HP1BP3: variants seen among roughly 807,000 people sequenced by gnomAD.
HP1BP3 encodes heterochromatin protein 1-binding protein 3.
In HP1BP3, 12 loss-of-function variants were observed where a neutral mutation model predicts 62.5. The observed-to-expected ratio is 0.19, with a 90% CI of 0.12 to 0.31. The LOEUF (loss-of-function observed/expected upper bound fraction) is 0.31. HP1BP3 is among the 10% of genes least tolerant of loss of function. The probability of loss-of-function intolerance (pLI) is 1.00; values close to 1 mark genes in which losing one functional copy is unlikely to be tolerated. For missense variants in HP1BP3, 502 were observed against 651.8 expected, an observed-to-expected ratio of 0.77 and a Z score of 2.50; for synonymous variants, 260 against 237.8, an observed-to-expected ratio of 1.09 and a Z score of -0.86.
Position 20,780,413 on chromosome 1 carries a change from G to A in HP1BP3, c.28C>T (p.Leu10Phe). 1 of 1,613,748 alleles carries A rather than the reference G, an allele frequency of 6.2e-7. No individual in the cohort carries two copies. Among genetic ancestry groups the A allele is most frequent in the Non-Finnish European group, 8.5e-7 (1 of 1,179,666 alleles). MATDTSQGE[L>F]VHPKALPLIV... ...AGTGGGAGTGCCTTAGGATGGACGA[G>A]TTCACCTTGAGACGTATCAGTCGCC... The change falls in exon 2 of 13, where the codon CTC (leucine) becomes TTC (phenylalanine). Residue 10 changes from leucine (L) to phenylalanine (F), a missense_variant. Coordinates refer to ENST00000438032, the MANE Select transcript of HP1BP3 (RefSeq NM_001372052.1).
At chr1:20,779,986 G>T in intron 2 of HP1BP3, 75 bp from the exon 3 acceptor site, 1 of 1,109,130 alleles carries the variant, frequency 9.0e-7, no homozygotes, top group East Asian at 2.5e-5. Flanking sequence ...GGGCCTAACT[G>T]GGTGTCAGAT....
chr1:20,744,881 C>G lies in HP1BP3; in HGVS notation c.1578G>C (p.Lys526Asn), dbSNP rs1557630708. The G allele has an allele frequency of 6.2e-7, 1 of 1,614,196 alleles. No homozygotes were observed. Among genetic ancestry groups the G allele is most frequent in the Non-Finnish European group, 8.5e-7 (1 of 1,180,036 alleles). Residue 526 changes from lysine to asparagine, a missense_variant, in exon 13 of 13, where the codon AAG (lysine) becomes AAC (asparagine). Coordinates refer to ENST00000438032, the MANE Select transcript of HP1BP3 (RefSeq NM_001372052.1). Reference protein sequence around the residue: ...IKKPSGGSSKKPATSARKEVK... With the variant: ...IKKPSGGSSKNPATSARKEVK... ...CTTCCTTTCTTGCACTGGTTGCAGG[C>G]TTCTTTGAGGAGCCACCACTAGGTT...
chr1:20,765,049 G>T (rs1035842199), intron 8 of HP1BP3, among the ~76,000 whole-genome samples: 2 of 150,180 alleles, frequency 1.3e-5, no homozygotes, highest in African/African-American at 4.9e-5. Flanking sequence ...GGTGCCTGTA[G>T]GCGCAGCTAC....
At chr1:20,778,109 G>C (rs1006243074) in intron 3 of HP1BP3, among the ~76,000 whole-genome samples, 3 of 152,088 alleles carry the variant, frequency 2.0e-5, no homozygotes, top group African/African-American at 7.2e-5. Flanking sequence ...TTCTAAAAAA[G>C]ATGAAAAGCT....
intron 1 of HP1BP3, among the ~76,000 whole-genome samples, chr1:20,783,970 T>C (rs1021823423): frequency 4.6e-5 from 7 of 151,738 alleles, no homozygotes; most frequent in Admixed American, 6.6e-5. Context: ...TTAACATCAC[T>C]GTACCTATGT....
At chr1:20,767,763 G>T in intron 6 of HP1BP3, 99 bp from the exon 7 acceptor site, 6 of 661,940 alleles carry the variant, frequency 9.1e-6, no homozygotes, top group Non-Finnish European at 7.6e-6. Flanking sequence ...GTAAAGTGGT[G>T]TTTACTTCTT....
chr1:20,751,886 T>TAA (rs2055780858), intron 9 of HP1BP3, among the ~76,000 whole-genome samples: 1 of 152,150 alleles, frequency 6.6e-6, no homozygotes, highest in South Asian at 2.1e-4. Flanking sequence ...TAGTGGTTCT[T>TAA]AAAGAATGGT....
chr1:20,779,086 G>A (rs578010761), intron 3 of HP1BP3, among the ~76,000 whole-genome samples: 14 of 152,214 alleles, frequency 9.2e-5, no homozygotes, highest in South Asian at 2.1e-4. Flanking sequence ...CACTGTGCCC[G>A]GCCCTCTATT....
chr1:20,773,369 C>T (rs759911032), intron 5 of HP1BP3, 82 bp downstream of exon 5: 263 of 1,244,094 alleles, frequency 2.1e-4, no homozygotes, highest in Non-Finnish European at 2.7e-4. Context: ...TTTATGATGT[C>T]TAGACAGATA....
At chr1:20,767,325 AAC>A (rs1467920376) in intron 7 of HP1BP3, among the ~76,000 whole-genome samples, 1 of 152,202 alleles carries the variant, frequency 6.6e-6, no homozygotes, top group Non-Finnish European at 1.5e-5. Flanking sequence ...CAAAACAAAA[AAC>A]AGTGTAATTT....
intron 9 of HP1BP3, among the ~76,000 whole-genome samples, chr1:20,751,694 G>A (rs2055762124): frequency 6.6e-6 from 1 of 150,990 alleles, no homozygotes; most frequent in Non-Finnish European, 1.5e-5. Context: ...CTATACTCCA[G>A]CCTGAGTGAC....
Position 20,744,782 on chromosome 1 carries a change from T to C in HP1BP3, c.*15A>G. The C allele has an allele frequency of 1.3e-6, 2 of 1,587,752 alleles. No individual in the cohort carries two copies. On this transcript the variant is annotated 3_prime_UTR_variant, in exon 13 of 13. Coordinates refer to ENST00000438032, the MANE Select transcript of HP1BP3 (RefSeq NM_001372052.1). ...ATTTTGAATTTCATCATGATACCCTTTTTTCCTATAAAATTTACTTTTTCA... is the reference window on the plus strand; with the variant it reads ...ATTTTGAATTTCATCATGATACCCTCTTTTCCTATAAAATTTACTTTTTCA...
intron 9 of HP1BP3, chr1:20,750,377 AC>A (rs1233924226): frequency 2.0e-5 from 2 of 101,666 alleles, no homozygotes; most frequent in East Asian, 2.5e-4. Context: ...ACACACACAC[AC>A]AAAATAGCCA....
intron 8 of HP1BP3, among the ~76,000 whole-genome samples, chr1:20,757,917 G>A (rs980198791): frequency 2.6e-5 from 4 of 152,036 alleles, no homozygotes; most frequent in Admixed American, 1.3e-4. Context: ...AGGCCGAGGC[G>A]GGTGGATCAC....
At chr1:20,760,581 G>T (rs549084242) in intron 8 of HP1BP3, among the ~76,000 whole-genome samples, 1 of 150,770 alleles carries the variant, frequency 6.6e-6, no homozygotes. Context: ...AGTGGCTCAC[G>T]TCTGTAATCC....
At chr1:20,776,318 T>C in intron 4 of HP1BP3, 1 of 428,880 alleles carries the variant, frequency 2.3e-6, no homozygotes. Context: ...GCTTAAAATA[T>C]CAGATACTCC....
chr1:20,757,126 TAAG>T, intron 9 of HP1BP3, 37 bp downstream of exon 9: 1 of 1,405,128 alleles, frequency 7.1e-7, no homozygotes, highest in East Asian at 2.3e-5. Context: ...CCAAAAACTT[TAAG>T]AAGCACTTCT....
At chr1:20,776,234 GAATAA>G (rs1481873027) in intron 4 of HP1BP3, 1 of 447,086 alleles carries the variant, frequency 2.2e-6, no homozygotes, top group Non-Finnish European at 3.9e-6. Context: ...ACAGAAGTAG[GAATAA>G]AATAGTGAAA....
chr1:20,775,057 TTATG>T (rs2057241840), intron 4 of HP1BP3: 1 of 151,932 alleles, frequency 6.6e-6, no homozygotes. Context: ...TGCTACTAGT[TTATG>T]TGTTTACTAT....
Sources: gnomAD v4.1 joint callset for allele counts (sites outside exome capture counted in the v4.1 genomes callset) on GRCh38, gnomAD v4.1.1 for gene constraint, MANE v1.5 for transcripts, NCBI Gene and HGNC (gene_info 2026-07-23, HGNC 2026-07-21) for gene names.